Variants in GOLIM4 observed in about 807,000 individuals in gnomAD.
GOLIM4 encodes the protein golgi integral membrane protein 4.
Under a neutral mutation model 107.4 loss-of-function variants are expected in GOLIM4, and 71 were observed. The observed-to-expected ratio is 0.66, with a 90% CI of 0.55 to 0.81. GOLIM4 has a LOEUF of 0.81. Among genes scored for constraint, GOLIM4 ranks in the 30% least tolerant of loss-of-function variants. The probability of loss-of-function intolerance (pLI) is 0.00; values close to 1 mark genes in which losing one functional copy is unlikely to be tolerated. For missense variants in GOLIM4, 830 were observed against 826.1 expected, an observed-to-expected ratio of 1.00 and a Z score of -0.06; for synonymous variants, 327 against 294.8, an observed-to-expected ratio of 1.11 and a Z score of -1.12.
chr3:168,027,510 T>C (rs1412210922), intron 12 of GOLIM4, among the ~76,000 whole-genome samples: 14 of 150,668 alleles, frequency 9.3e-5, no homozygotes, highest in South Asian at 2.1e-4. Context: ...TTTTTTTTTT[T>C]CCCCCAGAGC....
At chr3:168,024,489 C>A in intron 14 of GOLIM4, 37 bp downstream of exon 14, 2 of 1,376,886 alleles carry the variant, frequency 1.5e-6, no homozygotes, top group Non-Finnish European at 2.1e-6. Context: ...GTGTGACAGA[C>A]CAATCTGATC....
At chr3:168,035,165 C>T (rs1443012814) in intron 8 of GOLIM4, among the ~76,000 whole-genome samples, 6 of 151,898 alleles carry the variant, frequency 4.0e-5, no homozygotes, top group Admixed American at 1.3e-4. Flanking sequence ...CAGATTCTGG[C>T]GAGGTTGTGA....
chr3:168,031,138 A>T (rs889319925), intron 9 of GOLIM4, among the ~76,000 whole-genome samples: 5 of 152,166 alleles, frequency 3.3e-5, no homozygotes, highest in Non-Finnish European at 7.3e-5. Context: ...GTAGGAGCTT[A>T]AAAAAGCGAT....
At chr3:168,038,502 G>T (rs1425445544) in intron 7 of GOLIM4, among the ~76,000 whole-genome samples, 1 of 152,184 alleles carries the variant, frequency 6.6e-6, no homozygotes, top group African/African-American at 2.4e-5. Context: ...TGATTTCAAA[G>T]TCAGGATAAC....
chr3:168,027,186 C>T (rs1364604366), intron 12 of GOLIM4, among the ~76,000 whole-genome samples: 1 of 152,192 alleles, frequency 6.6e-6, no homozygotes, highest in African/African-American at 2.4e-5. Flanking sequence ...TATAAATTTT[C>T]TGTACCATTG....
At chr3:168,062,929 G>A (rs947107767) in intron 1 of GOLIM4, among the ~76,000 whole-genome samples, 2 of 152,106 alleles carry the variant, frequency 1.3e-5, no homozygotes, top group East Asian at 1.9e-4. Context: ...AGAGTCCACC[G>A]TGCCTTCCAT....
At chr3:168,082,376 C>T (rs1721417130) in intron 1 of GOLIM4, among the ~76,000 whole-genome samples, 1 of 152,076 alleles carries the variant, frequency 6.6e-6, no homozygotes, top group African/African-American at 2.4e-5. Flanking sequence ...CTCAGCCCCT[C>T]CTCAAAATAT....
At chr3:168,015,674 T>A (rs1224709632) in intron 14 of GOLIM4, among the ~76,000 whole-genome samples, 1 of 136,290 alleles carries the variant, frequency 7.3e-6, no homozygotes, top group Non-Finnish European at 1.5e-5. Flanking sequence ...AACAGCATGG[T>A]ACTGGTACCA....
At chr3:168,048,466 A>C (rs1234346070) in intron 1 of GOLIM4, 101 bp from the exon 2 acceptor site, 2 of 628,436 alleles carry the variant, frequency 3.2e-6, no homozygotes, top group African/African-American at 3.7e-5. Flanking sequence ...TAGAGTCTTT[A>C]CACAATTTAA....
intron 1 of GOLIM4, among the ~76,000 whole-genome samples, chr3:168,065,674 C>T (rs991088886): frequency 6.6e-6 from 1 of 152,156 alleles, no homozygotes; most frequent in African/African-American, 2.4e-5. Context: ...AACTCTTCCA[C>T]ATACTGGGAA....
chr3:168,045,277 T>C (rs891040816), intron 3 of GOLIM4, among the ~76,000 whole-genome samples: 1 of 152,024 alleles, frequency 6.6e-6, no homozygotes, highest in Non-Finnish European at 1.5e-5. Context: ...AATAAACCGA[T>C]GAGGAGCGGG....
In GOLIM4 at chr3:168,040,873, C is replaced by T. The variant is rs759205598; in HGVS notation, c.601-4G>A. On this transcript the variant is annotated splice_polypyrimidine_tract_variant and splice_region_variant and intron_variant, in intron 6 of 15. Transcript: ENST00000470487. The stretch of plus-strand genomic sequence containing the variant: ...AGAGTAAATTCTTATGCTGTTGCTA[C>T]ACAAAAAAGAATTTTACATGTTGAG... 1 of 1,599,218 alleles carries T rather than the reference C, an allele frequency of 6.3e-7. No homozygotes were observed. Among genetic ancestry groups the T allele is most frequent in the South Asian group, 1.1e-5 (1 of 90,526 alleles).
intron 5 of GOLIM4, among the ~76,000 whole-genome samples, chr3:168,041,939 T>A (rs770478736): frequency 2.0e-5 from 3 of 152,150 alleles, no homozygotes; most frequent in Non-Finnish European, 4.4e-5. Flanking sequence ...CTTAACCCTT[T>A]GTAGTACTGC....
At chr3:168,047,290 T>C (rs935175621) in intron 2 of GOLIM4, among the ~76,000 whole-genome samples, 1 of 152,162 alleles carries the variant, frequency 6.6e-6, no homozygotes, top group Non-Finnish European at 1.5e-5. Context: ...CTCCTTGAAA[T>C]TTAGGAGGGA....
At chr3:168,010,657 G>A (rs57405643) in intron 15 of GOLIM4, 86 bp downstream of exon 15, 28 of 1,015,320 alleles carry the variant, frequency 2.8e-5, no homozygotes, top group South Asian at 1.7e-4. Context: ...CCACTGGTAC[G>A]TATCCCAAAT....
chr3:168,066,978 T>C (rs1720583688), intron 1 of GOLIM4, among the ~76,000 whole-genome samples: 1 of 152,104 alleles, frequency 6.6e-6, no homozygotes, highest in Admixed American at 6.5e-5. Flanking sequence ...AACACACTAG[T>C]ATCTTGAAAT....
intron 1 of GOLIM4, among the ~76,000 whole-genome samples, chr3:168,085,322 G>A (rs1281654831): frequency 6.6e-6 from 1 of 152,198 alleles, no homozygotes; most frequent in Non-Finnish European, 1.5e-5. Context: ...TTCATCAGAT[G>A]ACAGAACCTC....
At chr3:168,052,488 A>T (rs549632633) in intron 1 of GOLIM4, among the ~76,000 whole-genome samples, 40 of 152,262 alleles carry the variant, frequency 2.6e-4, no homozygotes, top group African/African-American at 9.6e-4. Flanking sequence ...TACTTAAAAA[A>T]TTTCTTTAAA....
chr3:168,063,278 T>C lies in GOLIM4; in HGVS notation c.188-14913A>G, dbSNP rs1478125317. Among the ~76,000 whole-genome samples, 3 of 152,234 alleles carry C rather than the reference T, an allele frequency of 2.0e-5. No homozygotes were observed. The East Asian group carries it at 5.8e-4, about 29-fold the overall frequency. On this transcript the variant is annotated intron_variant, in intron 1 of 15. Transcript: ENST00000470487. ...TAAGGTCAACACTAGACATCTAAAA[T>C]CTGCTTCCCCAGTTTGACTAGAATT...
Sources: gnomAD v4.1 joint callset for allele counts (sites outside exome capture counted in the v4.1 genomes callset) on GRCh38, gnomAD v4.1.1 for gene constraint, MANE v1.5 for transcripts, NCBI Gene and HGNC (gene_info 2026-07-23, HGNC 2026-07-21) for gene names.